The following ZMAT5 variants were observed in gnomAD, a reference collection of about 807,000 sequenced individuals.
ZMAT5 encodes zinc finger matrin-type protein 5.
A neutral mutation model predicts 28.0 loss-of-function variants in ZMAT5; 23 were observed. That is an observed-to-expected ratio of 0.82 (90% CI 0.59 to 1.16). The LOEUF (loss-of-function observed/expected upper bound fraction) is 1.16, where lower values mean the gene tolerates loss of function less well. Among genes scored for constraint, ZMAT5 ranks in the 50% most tolerant of loss-of-function variants. The pLI, the probability that ZMAT5 is intolerant of heterozygous loss-of-function variation, is 0.00. For synonymous variants in ZMAT5, 76 were observed against 84.1 expected, an observed-to-expected ratio of 0.90 and a Z score of 0.52; for missense variants, 173 against 212.7, an observed-to-expected ratio of 0.81 and a Z score of 1.16.
At position 29,737,020 on chromosome 22, in the gene ZMAT5, C is replaced by T. The variant is rs1045622532; in HGVS notation, c.383+1310G>A. ...CAGCCTGGGCGGTAGAGCAAGAATC[C>T]GTCTCAAAAAAAAAAAAAAAAGCCG... On this transcript the variant is annotated intron_variant, in intron 5 of 5. Coordinates refer to ENST00000344318, the MANE Select transcript of ZMAT5 (RefSeq NM_001003692.2). Among the ~76,000 whole-genome samples, 8 of 140,694 alleles carry T rather than the reference C, an allele frequency of 5.7e-5. No individual in the cohort carries two copies. In the East Asian group the frequency reaches 1.0e-3, roughly 18 times the overall value. The allele number at this position is 140,694 out of a possible 152,430, so 92.3% of individuals were successfully genotyped here.
At chr22:29,751,596 A>G (rs1947781197) in intron 1 of ZMAT5, among the ~76,000 whole-genome samples, 1 of 152,192 alleles carries the variant, frequency 6.6e-6, no homozygotes, top group Non-Finnish European at 1.5e-5. Context: ...GGTTCCAGAA[A>G]TGAAGTGACT....
intron 1 of ZMAT5, among the ~76,000 whole-genome samples, chr22:29,755,168 G>A (rs1397375298): frequency 2.6e-5 from 4 of 152,012 alleles, no homozygotes; most frequent in East Asian, 1.9e-4. Flanking sequence ...GGTGGCACAC[G>A]CCTATAATCC....
At chr22:29,751,532 C>G (rs190742773) in intron 1 of ZMAT5, among the ~76,000 whole-genome samples, 1 of 152,132 alleles carries the variant, frequency 6.6e-6, no homozygotes, top group East Asian at 1.9e-4. Context: ...CATTTAATCC[C>G]CAGGACAACC....
intron 5 of ZMAT5, among the ~76,000 whole-genome samples, chr22:29,733,657 C>A (rs1008628422): frequency 6.6e-6 from 1 of 152,218 alleles, no homozygotes; most frequent in African/African-American, 2.4e-5. Flanking sequence ...GCCAGCCAAG[C>A]CTGGGCTCCC....
At chr22:29,750,300 T>C (rs563120898) in intron 1 of ZMAT5, among the ~76,000 whole-genome samples, 4 of 152,206 alleles carry the variant, frequency 2.6e-5, no homozygotes, top group Non-Finnish European at 5.9e-5. Context: ...AGGTGTCCTC[T>C]CTTCCACAGC....
chr22:29,760,704 T>A (rs769241417), intron 1 of ZMAT5, among the ~76,000 whole-genome samples: 4 of 152,196 alleles, frequency 2.6e-5, no homozygotes, highest in Non-Finnish European at 5.9e-5. Context: ...CAGCCTCTGC[T>A]GGGGACAGTT....
rs2068035637 is a variant in ZMAT5, at chr22:29,749,135, TG to T, written c.-27-565del. On this transcript the variant is annotated intron_variant, in intron 1 of 5. Coordinates refer to ENST00000344318, the MANE Select transcript of ZMAT5 (RefSeq NM_001003692.2). ...CTCTGTCACCCAGGGTGGAGTGCAG[TG>T]GTGTGATCACGGCTTACTGTAGCTT... Among the ~76,000 whole-genome samples the T allele has an allele frequency of 3.9e-5, 6 of 152,204 alleles. No individual in the cohort carries two copies. The South Asian group carries it at 1.2e-3, about 32-fold the overall frequency.
intron 1 of ZMAT5, among the ~76,000 whole-genome samples, chr22:29,766,335 G>A (rs2068211600): frequency 6.6e-6 from 1 of 152,146 alleles, no homozygotes; most frequent in Non-Finnish European, 1.5e-5. Context: ...CAGGTCTCTA[G>A]TCAAGTGTCA....
intron 1 of ZMAT5, among the ~76,000 whole-genome samples, chr22:29,757,548 C>T (rs982562923): frequency 4.6e-5 from 7 of 152,216 alleles, no homozygotes; most frequent in Non-Finnish European, 8.8e-5. Flanking sequence ...GCCTGGCACG[C>T]CAATGGTGCT....
Position 29,742,436 on chromosome 22 carries a change from T to C in ZMAT5, c.172A>G (p.Arg58Gly). 1 of 1,613,348 alleles carries C rather than the reference T, an allele frequency of 6.2e-7. No individual in the cohort carries two copies. The highest frequency in any genetic ancestry group is 8.5e-7 in the Non-Finnish European group (1 of 1,179,932). Residue 58 changes from arginine to glycine, a missense_variant, in exon 3 of 6, where the codon AGG becomes GGG. By Grantham distance (125) the Arg-to-Gly change is moderately radical. Transcript: ENST00000344318. ...LLDEQNKRPC[R>G]KFLLTGQCDF... ...ACTTTACCTGTCAGTAGAAACTTCC[T>C]GCAGGGCCGCTTGTTCTGCTCATCC...
At chr22:29,758,590 T>C (rs1320652705) in intron 1 of ZMAT5, among the ~76,000 whole-genome samples, 3 of 152,158 alleles carry the variant, frequency 2.0e-5, no homozygotes. Flanking sequence ...GCCACTGCAC[T>C]CCAGCCTGGG....
chr22:29,761,101 T>C (rs1182613837), intron 1 of ZMAT5, among the ~76,000 whole-genome samples: 1 of 150,962 alleles, frequency 6.6e-6, no homozygotes, highest in Non-Finnish European at 1.5e-5. Flanking sequence ...GGTGAAACCC[T>C]GTCTCTACTA....
chr22:29,744,479 G>A (rs917291937), intron 2 of ZMAT5, among the ~76,000 whole-genome samples: 6 of 151,908 alleles, frequency 3.9e-5, no homozygotes, highest in East Asian at 3.9e-4. Flanking sequence ...TGTTAGCGCC[G>A]GGCTTGTCAG....
chr22:29,749,471 T>C (rs1163398773), intron 1 of ZMAT5, among the ~76,000 whole-genome samples: 1 of 152,088 alleles, frequency 6.6e-6, no homozygotes, highest in Non-Finnish European at 1.5e-5. Context: ...TCCCGGCCTT[T>C]GCACCCAAGG....
At position 29,762,321 on chromosome 22, in the gene ZMAT5, C is replaced by A. The variant is rs1640446010; in HGVS notation, c.-28+4551G>T. On this transcript the variant is annotated intron_variant, in intron 1 of 5. Coordinates refer to ENST00000344318, the MANE Select transcript of ZMAT5 (RefSeq NM_001003692.2). ...GAATAATAATTTCTAAGTTGAAATA[C>A]ATGGCTTAAAGCAGGGGACCCCAAC... Among the ~76,000 whole-genome samples, 3 of 152,176 alleles carry A rather than the reference C, an allele frequency of 2.0e-5. No homozygotes were observed. The South Asian group carries it at 6.2e-4, about 31-fold the overall frequency.
At chr22:29,735,606 C>T (rs2067896970) in intron 5 of ZMAT5, among the ~76,000 whole-genome samples, 1 of 152,246 alleles carries the variant, frequency 6.6e-6, no homozygotes, top group East Asian at 1.9e-4. Flanking sequence ...ACCTAGCTCT[C>T]TCTCAAGTGA....
intron 5 of ZMAT5, chr22:29,731,635 A>G (rs867161674): frequency 7.7e-6 from 3 of 387,368 alleles, no homozygotes; most frequent in Middle Eastern, 1.4e-3. Flanking sequence ...TTCAATACAT[A>G]TGCACGTCCA....
chr22:29,752,852 TTCTA>T (rs2068066906), intron 1 of ZMAT5, among the ~76,000 whole-genome samples: 1 of 152,082 alleles, frequency 6.6e-6, no homozygotes, highest in Non-Finnish European at 1.5e-5. Flanking sequence ...CGGCAATGCT[TTCTA>T]TCTACCTGTC....
At chr22:29,764,948 T>C (rs1366542590) in intron 1 of ZMAT5, among the ~76,000 whole-genome samples, 1 of 152,192 alleles carries the variant, frequency 6.6e-6, no homozygotes, top group Non-Finnish European at 1.5e-5. Flanking sequence ...TCCCTGGTTT[T>C]GAATGCCACC....
Sources: allele counts gnomAD v4.1 joint callset (sites outside exome capture counted in the v4.1 genomes callset), GRCh38; gene constraint gnomAD v4.1.1; transcripts MANE v1.5; gene names NCBI Gene and HGNC (gene_info 2026-07-23, HGNC 2026-07-21).